The following ZNF362 variants were observed in gnomAD, a reference collection of about 807,000 sequenced individuals.
ZNF362 encodes rotund homolog.
In ZNF362, 11 loss-of-function variants were observed where a neutral mutation model predicts 42.9. That is an observed-to-expected ratio of 0.26 (90% CI 0.16 to 0.42). The LOEUF is 0.42. Among genes scored for constraint, ZNF362 ranks in the 20% least tolerant of loss-of-function variants. The pLI is 1.00. For missense variants in ZNF362, 362 were observed against 576.2 expected, an observed-to-expected ratio of 0.63 and a Z score of 3.81; for synonymous variants, 255 against 257.3, an observed-to-expected ratio of 0.99 and a Z score of 0.09.
chr1:33,163,298 C>T, the ZNF362 span: 1 of 152,186 alleles, frequency 6.6e-6, no homozygotes, highest in South Asian at 2.1e-4. Context: ...CTCAGCCTCC[C>T]AAAGTGCTAG....
At chr1:33,290,525 C>A (rs1646070090) in intron 6 of ZNF362, among the ~76,000 whole-genome samples, 1 of 152,068 alleles carries the variant, frequency 6.6e-6, no homozygotes, top group African/African-American at 2.4e-5. Flanking sequence ...AATAAACATA[C>A]GTGTGCATGT....
At chr1:33,226,594 A>G in the ZNF362 span, among the ~76,000 whole-genome samples, 27,862 of 152,088 alleles carry the variant, frequency 0.18, 2,839 homozygotes, top group East Asian at 0.31. Context: ...GCCGGGCGCC[A>G]TGGCTCACGC....
chr1:33,170,476 C>T, the ZNF362 span, among the ~76,000 whole-genome samples: 279 of 152,202 alleles, frequency 1.8e-3, 2 homozygotes, highest in African/African-American at 6.6e-3. Flanking sequence ...TTCACAATCT[C>T]AGTACCTAGG....
chr1:33,233,473 G>A, the ZNF362 span, among the ~76,000 whole-genome samples: 1 of 150,908 alleles, frequency 6.6e-6, no homozygotes, highest in African/African-American at 2.4e-5. Flanking sequence ...GTGCAATCTC[G>A]GCTCACTGAA....
chr1:33,271,481 A>T (rs966970378), intron 2 of ZNF362, among the ~76,000 whole-genome samples: 1 of 152,234 alleles, frequency 6.6e-6, no homozygotes, highest in Non-Finnish European at 1.5e-5. Context: ...GGGGGGCAGG[A>T]GCAAGTGCCT....
the ZNF362 span, among the ~76,000 whole-genome samples, chr1:33,225,454 A>G: frequency 6.6e-6 from 1 of 152,204 alleles, no homozygotes; most frequent in Non-Finnish European, 1.5e-5. Context: ...TATTTAAAAT[A>G]ACTACAGCTC....
At chr1:33,282,087 C>T in intron 6 of ZNF362, 1 of 479,830 alleles carries the variant, frequency 2.1e-6, no homozygotes, top group Non-Finnish European at 3.8e-6. Context: ...CTTGTCCTCT[C>T]TCAGTCTAGC....
At chr1:33,151,542 T>C in the ZNF362 span, among the ~76,000 whole-genome samples, 1,208 of 152,262 alleles carry the variant, frequency 7.9e-3, 14 homozygotes, top group African/African-American at 0.028. Context: ...CTTCCCCCTC[T>C]GAGAAGTCAG....
chr1:33,280,390 C>G lies in ZNF362; in HGVS notation c.616C>G (p.Pro206Ala). Residue 206 changes from proline to alanine, a missense_variant, in exon 5 of 9, where the codon CCT (proline) becomes GCT (alanine). Pro to Ala is a conservative substitution (Grantham distance 27, BLOSUM62 -1). This residue lies in a region of ZNF362 where 266 missense variants were observed against 365.4 expected (regional missense o/e 0.73). Coordinates refer to ENST00000539719, the MANE Select transcript of ZNF362 (RefSeq NM_152493.3). The surrounding 1 kb of genome is among the most constrained non-coding windows in gnomAD (Gnocchi z 5.6). The part of the protein sequence containing the change: ...KIKAENPGGP[P>A]VLVVPYPILA... ...CAAGGCGGAGAACCCGGGGGGTCCGCCTGTCCTTGTAGTCCCCTATCCCAT... is the reference window on the plus strand; with the variant it reads ...CAAGGCGGAGAACCCGGGGGGTCCGGCTGTCCTTGTAGTCCCCTATCCCAT... 3 of 1,613,584 alleles carry G rather than the reference C, an allele frequency of 1.9e-6. No individual in the cohort carries two copies. Among genetic ancestry groups the G allele is most frequent in the Non-Finnish European group, 2.5e-6 (3 of 1,179,796 alleles).
chr1:33,136,401 C>T, the ZNF362 span, among the ~76,000 whole-genome samples: 9 of 150,952 alleles, frequency 6.0e-5, no homozygotes, highest in Non-Finnish European at 1.3e-4. Context: ...GATAGTGCCT[C>T]GCCATCACCC....
At chr1:33,262,360 A>C (rs1645834299) in intron 1 of ZNF362, among the ~76,000 whole-genome samples, 1 of 30,932 alleles carries the variant, frequency 3.2e-5, no homozygotes, top group Non-Finnish European at 6.2e-5. Context: ...GCTGGAGTGC[A>C]GTAGCGCGAT....
At chr1:33,181,839 CG>C in the ZNF362 span, among the ~76,000 whole-genome samples, 2 of 9,554 alleles carry the variant, frequency 2.1e-4, no homozygotes, top group African/African-American at 4.5e-4. The surrounding 1 kb of genome is among the most constrained non-coding windows in gnomAD (Gnocchi z 6.5). Flanking sequence ...GGGGGCGGTG[CG>C]GGGAGGGCGA....
the ZNF362 span, among the ~76,000 whole-genome samples, chr1:33,157,382 G>C: frequency 6.6e-6 from 1 of 152,068 alleles, no homozygotes; most frequent in East Asian, 1.9e-4. Context: ...ATACCTACGT[G>C]GCTCACTCTT....
At chr1:33,162,176 C>T in the ZNF362 span, among the ~76,000 whole-genome samples, 1 of 152,188 alleles carries the variant, frequency 6.6e-6, no homozygotes, top group South Asian at 2.1e-4. Flanking sequence ...AGTTTAGGAA[C>T]CTTCTTTAGC....
At chr1:33,250,247 A>C in the ZNF362 span, among the ~76,000 whole-genome samples, 1 of 152,148 alleles carries the variant, frequency 6.6e-6, no homozygotes, top group South Asian at 2.1e-4. Context: ...AAATGGGGAT[A>C]ATGTTCCTAC....
At chr1:33,262,076 G>A (rs1206794072) in intron 1 of ZNF362, among the ~76,000 whole-genome samples, 1 of 152,082 alleles carries the variant, frequency 6.6e-6, no homozygotes, top group East Asian at 1.9e-4. Context: ...CTAGAACCTG[G>A]GGCTGGAACT....
At chr1:33,291,452 G>A (rs1646077467) in intron 6 of ZNF362, among the ~76,000 whole-genome samples, 1 of 152,202 alleles carries the variant, frequency 6.6e-6, no homozygotes, top group Non-Finnish European at 1.5e-5. Context: ...GTATCATGCT[G>A]TTTTGGTTAC....
the ZNF362 span, among the ~76,000 whole-genome samples, chr1:33,235,886 C>T: frequency 6.6e-6 from 1 of 152,212 alleles, no homozygotes. Context: ...GTTCCTCCCT[C>T]CTTCTGTTGG....
the ZNF362 span, among the ~76,000 whole-genome samples, chr1:33,220,019 T>C: frequency 1.3e-5 from 2 of 151,866 alleles, no homozygotes; most frequent in African/African-American, 2.4e-5. Context: ...ACTGGAAAAA[T>C]GGGTTTCTGA....
Sources: allele counts gnomAD v4.1 joint callset (sites outside exome capture counted in the v4.1 genomes callset), GRCh38; gene constraint gnomAD v4.1.1; regional missense constraint gnomAD v4.1.1; non-coding constraint Gnocchi (gnomAD v3.1); transcripts MANE v1.5; gene names NCBI Gene and HGNC (gene_info 2026-07-23, HGNC 2026-07-21).